SLC2A5: variants seen among roughly 807,000 people sequenced by gnomAD.
SLC2A5 encodes the protein solute carrier family 2 member 5, also known as solute carrier family 2, facilitated glucose transporter member 5.
In SLC2A5, 56 loss-of-function variants were observed where a neutral mutation model predicts 50.3. The ratio of observed to expected loss-of-function variants is 1.11; its 90% CI spans 0.90 to 1.39. The LOEUF is 1.39. Ranked by LOEUF, SLC2A5 falls within the 40% of genes most tolerant of loss-of-function variation. SLC2A5 has a pLI of 0.00. For synonymous variants in SLC2A5, 269 were observed against 281.9 expected, an observed-to-expected ratio of 0.95 and a Z score of 0.46; for missense variants, 566 against 650.1, an observed-to-expected ratio of 0.87 and a Z score of 1.41.
upstream of SLC2A5, among the ~76,000 whole-genome samples, chr1:9,074,087 TA>T (rs147453247): frequency 4.3e-3 from 613 of 143,978 alleles, 2 homozygotes; most frequent in South Asian, 8.1e-3. Flanking sequence ...CTCCAAAAAT[TA>T]AAAAAAAAAA....
chr1:9,087,412 G>T (rs1642414675), intron 1 of SLC2A5, among the ~76,000 whole-genome samples: 1 of 151,988 alleles, frequency 6.6e-6, no homozygotes, highest in Non-Finnish European at 1.5e-5. Flanking sequence ...CACCGTGTTA[G>T]CCAGGATGGT....
chr1:9,082,411 A>C lies in SLC2A5; in HGVS notation c.-59+2603T>G, dbSNP rs141836032. Reference sequence around the variant, plus strand: ...TGTGGCACATACACAATGGAATACTATACAGCTATAAGAAGAAATGAGCCA... The same window carrying C: ...TGTGGCACATACACAATGGAATACTCTACAGCTATAAGAAGAAATGAGCCA... On this transcript the variant is annotated intron_variant, in intron 2 of 5. Transcript: ENST00000464985. 8.5e-5 allele frequency among the ~76,000 whole-genome samples: 13 copies of C among 152,308 alleles called. No homozygotes were observed. The East Asian group carries it at 2.5e-3, about 29-fold the overall frequency.
chr1:9,079,745 C>G (rs1642332469), intron 2 of SLC2A5, among the ~76,000 whole-genome samples: 1 of 152,200 alleles, frequency 6.6e-6, no homozygotes, highest in South Asian at 2.1e-4. Context: ...CCTTGGCCTC[C>G]CAAAGTGCTG....
At chr1:9,053,444 T>A (rs58695663) in intron 3 of SLC2A5, among the ~76,000 whole-genome samples, 5 of 35,390 alleles carry the variant, frequency 1.4e-4, no homozygotes, top group African/African-American at 2.2e-4. Flanking sequence ...ATTTATATAT[T>A]ATATATATTT....
At position 9,040,194 on chromosome 1, in the gene SLC2A5, G is replaced by A; in HGVS notation, c.572-5C>T. ...GCCCCAGCAGGATCGGCCAGCCTGG[G>A]AGGAAGGCAGCGAGCTGGCACCAGC... On this transcript the variant is annotated splice_region_variant and splice_polypyrimidine_tract_variant and intron_variant, in intron 5 of 11. Coordinates refer to ENST00000377424, the MANE Select transcript of SLC2A5 (RefSeq NM_003039.3). This position sits in a 1 kb window ranked among gnomAD's most constrained non-coding sequence, Gnocchi z 4.3. The A allele has an allele frequency of 6.5e-7, 1 of 1,547,370 alleles. No individual in the cohort carries two copies. Among genetic ancestry groups the A allele is most frequent in the Admixed American group, 2.0e-5 (1 of 50,966 alleles).
chr1:9,047,867 G>A (rs1641476506), intron 3 of SLC2A5, 133 bp from the exon 4 acceptor site: 1 of 911,592 alleles, frequency 1.1e-6, no homozygotes, highest in African/African-American at 1.7e-5. Context: ...TAGCTCTCTG[G>A]GACCTGAGAC....
At chr1:9,091,837 GA>G (rs2124494241), upstream of SLC2A5, among the ~76,000 whole-genome samples, 1 of 152,126 alleles carries the variant, frequency 6.6e-6, no homozygotes, top group East Asian at 1.9e-4. Context: ...CTCCCACCTA[GA>G]AAAGTCACAG....
chr1:9,039,331 C>T (rs1291803442), intron 8 of SLC2A5, among the ~76,000 whole-genome samples: 1 of 152,210 alleles, frequency 6.6e-6, no homozygotes, highest in Non-Finnish European at 1.5e-5. Context: ...GGTCCAGGCA[C>T]GCCTACATCC....
chr1:9,059,985 TACACACAC>T (rs35876125), intron 1 of SLC2A5, among the ~76,000 whole-genome samples: 43 of 141,624 alleles, frequency 3.0e-4, no homozygotes, highest in East Asian at 1.2e-3. Flanking sequence ...AAAAACATAC[TACACACAC>T]ACACACACAC....
At position 9,057,488 on chromosome 1, in the gene SLC2A5, C is replaced by T. The variant is rs550656792; in HGVS notation, c.253G>A (p.Gly85Arg). The change falls in exon 3 of 12, where the codon GGA becomes AGA. Residue 85 changes from glycine to arginine, a missense_variant. Transcript: ENST00000377424. ...VSMFPFGGFI[G>R]SLLVGPLVNK... ...ACCAAGGGGCCGACCAGGAGGGATC[C>T]GATAAACCCTCCAAATGGAAACATG... 3.5e-5 allele frequency: 57 copies of T among 1,613,752 alleles called. No individual in the cohort carries two copies. Among genetic ancestry groups the T allele is most frequent in the East Asian group, 8.9e-5 (4 of 44,876 alleles).
chr1:9,056,384 C>A (rs1322969380), intron 3 of SLC2A5, among the ~76,000 whole-genome samples: 1 of 152,112 alleles, frequency 6.6e-6, no homozygotes, highest in Non-Finnish European at 1.5e-5. Context: ...GGAGTTTCAC[C>A]ATGTTGGCCA....
At chr1:9,090,019 C>T (rs769900491), upstream of SLC2A5, among the ~76,000 whole-genome samples, 3 of 152,148 alleles carry the variant, frequency 2.0e-5, no homozygotes, top group Admixed American at 6.5e-5. Flanking sequence ...AACATTCATC[C>T]GTTTCTGTTG....
At chr1:9,046,843 T>G (rs1242623402) in intron 4 of SLC2A5, among the ~76,000 whole-genome samples, 1 of 152,126 alleles carries the variant, frequency 6.6e-6, no homozygotes, top group Non-Finnish European at 1.5e-5. Flanking sequence ...AAATCTCATC[T>G]CAAATTGTAA....
intron 1 of SLC2A5, among the ~76,000 whole-genome samples, chr1:9,065,826 C>T (rs543650351): frequency 2.0e-5 from 3 of 152,122 alleles, no homozygotes; most frequent in South Asian, 2.1e-4. Flanking sequence ...AGTGAGACCT[C>T]GTCTCTACGA....
chr1:9,051,251 A>AAG (rs551300365), intron 3 of SLC2A5, among the ~76,000 whole-genome samples: 23 of 151,712 alleles, frequency 1.5e-4, no homozygotes, highest in African/African-American at 3.9e-4. Context: ...AATGAAGGAA[A>AAG]AGAGAGAGAG....
At chr1:9,068,449 CTT>C (rs34032446) in intron 1 of SLC2A5, among the ~76,000 whole-genome samples, 26,441 of 117,396 alleles carry the variant, frequency 0.23, 3,334 homozygotes, top group East Asian at 0.42. Context: ...CAGGCCCACT[CTT>C]TTTTTTTTTT....
At chr1:9,076,234 G>A (rs1642282319) in intron 2 of SLC2A5, among the ~76,000 whole-genome samples, 2 of 152,154 alleles carry the variant, frequency 1.3e-5, no homozygotes, top group Admixed American at 6.6e-5. Flanking sequence ...GGGATTACAG[G>A]CGTGAGCCAC....
intron 1 of SLC2A5, among the ~76,000 whole-genome samples, chr1:9,068,025 A>C (rs1370103848): frequency 2.0e-5 from 3 of 151,830 alleles, no homozygotes; most frequent in Non-Finnish European, 2.9e-5. Context: ...CCCCATCTCT[A>C]CTAAAAATAC....
At chr1:9,055,326 G>A (rs748396042) in intron 3 of SLC2A5, among the ~76,000 whole-genome samples, 8 of 152,104 alleles carry the variant, frequency 5.3e-5, no homozygotes, top group African/African-American at 1.2e-4. Context: ...GACCAGCCTG[G>A]CCAACATGGT....
Sources: gnomAD v4.1 joint callset for allele counts (sites outside exome capture counted in the v4.1 genomes callset) on GRCh38, gnomAD v4.1.1 for gene constraint, Gnocchi (gnomAD v3.1) non-coding constraint, MANE v1.5 for transcripts, NCBI Gene and HGNC (gene_info 2026-07-23, HGNC 2026-07-21) for gene names.